The following CA10 variants were observed in gnomAD, a reference collection of about 807,000 sequenced individuals.
The protein encoded by CA10 is carbonic anhydrase-related protein 10.
In CA10, 14 loss-of-function variants were observed where a neutral mutation model predicts 44.2. The ratio of observed to expected loss-of-function variants is 0.32; its 90% confidence interval spans 0.21 to 0.50. The LOEUF is 0.50. CA10 is among the 20% of genes least tolerant of loss of function. The probability of loss-of-function intolerance (pLI) is 0.99; values close to 1 mark genes in which losing one functional copy is unlikely to be tolerated. For synonymous variants in CA10, 159 were observed against 141.6 expected, an observed-to-expected ratio of 1.12 and a Z score of -0.87; for missense variants, 350 against 409.7, an observed-to-expected ratio of 0.85 and a Z score of 1.26.
intron 3 of CA10, among the ~76,000 whole-genome samples, chr17:51,783,291 C>G (rs1358429734): frequency 6.6e-6 from 1 of 152,152 alleles, no homozygotes; most frequent in Admixed American, 6.5e-5. Context: ...TTACTCATTG[C>G]TCTATTCTCA....
At chr17:52,054,909 G>T (rs771783248) in intron 2 of CA10, among the ~76,000 whole-genome samples, 1 of 152,084 alleles carries the variant, frequency 6.6e-6, no homozygotes, top group African/African-American at 2.4e-5. Context: ...ATTTTTCTAG[G>T]AAGTGACTTG....
At chr17:51,880,054 ATCT>A (rs1018523602) in intron 3 of CA10, among the ~76,000 whole-genome samples, 3 of 152,202 alleles carry the variant, frequency 2.0e-5, no homozygotes, top group African/African-American at 7.2e-5. Flanking sequence ...CACCTCAACT[ATCT>A]TCTTTATAGG....
chr17:52,151,190 G>A (rs1989695176), intron 1 of CA10, among the ~76,000 whole-genome samples: 2 of 151,972 alleles, frequency 1.3e-5, no homozygotes, highest in African/African-American at 4.8e-5. Flanking sequence ...ATCTTATTGT[G>A]GTTTACAATC....
intron 4 of CA10, among the ~76,000 whole-genome samples, chr17:51,683,924 C>T (rs1412697563): frequency 6.6e-6 from 1 of 152,156 alleles, no homozygotes; most frequent in Non-Finnish European, 1.5e-5. Context: ...CTTCAGACTC[C>T]TAAGCCTGGT....
At position 51,907,341 on chromosome 17, in the gene CA10, G is replaced by A. The variant is rs4794310; in HGVS notation, c.279+23649C>T. Among the ~76,000 whole-genome samples the A allele has an allele frequency of 7.8e-3, 1,180 of 152,158 alleles. 9 individuals carry two copies. Among genetic ancestry groups the A allele is most frequent in the Middle Eastern group, 0.014 (4 of 294 alleles). ...TGTTGGCCATTTGAGGAAGAGGAAG[G>A]AAGAGGTTGGCTCCTCTTCCTTCAG... On this transcript the variant is annotated intron_variant, in intron 3 of 8. Coordinates refer to ENST00000451037, the MANE Select transcript of CA10 (RefSeq NM_020178.5).
chr17:52,143,209 T>A (rs1283962161), intron 1 of CA10, among the ~76,000 whole-genome samples: 1 of 152,194 alleles, frequency 6.6e-6, no homozygotes, highest in Non-Finnish European at 1.5e-5. Context: ...TCCATCTATG[T>A]ATATAATTAT....
chr17:51,987,092 T>C (rs530789125), intron 2 of CA10, among the ~76,000 whole-genome samples: 58 of 152,092 alleles, frequency 3.8e-4, no homozygotes, highest in Middle Eastern at 6.8e-3. Context: ...ACTGGAGAAA[T>C]GTGGAACCAA....
At chr17:52,110,704 G>T (rs1253872976) in intron 1 of CA10, among the ~76,000 whole-genome samples, 1 of 152,156 alleles carries the variant, frequency 6.6e-6, no homozygotes, top group African/African-American at 2.4e-5. Context: ...CCAAAAGGTT[G>T]GTTCCCTCTT....
At chr17:51,912,604 G>T (rs541591007) in intron 3 of CA10, among the ~76,000 whole-genome samples, 23 of 152,278 alleles carry the variant, frequency 1.5e-4, no homozygotes, top group African/African-American at 5.5e-4. Flanking sequence ...CCTTAAATTT[G>T]CTTTTCAAAT....
At chr17:51,769,564 CA>C (rs1905519802) in intron 3 of CA10, among the ~76,000 whole-genome samples, 1 of 152,114 alleles carries the variant, frequency 6.6e-6, no homozygotes, top group Non-Finnish European at 1.5e-5. Context: ...ATCAGTCTAG[CA>C]GAATTGGTAG....
intron 8 of CA10, 37 bp from the exon 9 acceptor site, chr17:51,631,643 A>G (rs762935392): frequency 6.4e-7 from 1 of 1,559,628 alleles, no homozygotes; most frequent in Admixed American, 1.7e-5. Flanking sequence ...AATCACACAT[A>G]CAACATAAAA....
intron 4 of CA10, among the ~76,000 whole-genome samples, chr17:51,669,263 A>G (rs996975608): frequency 6.6e-6 from 1 of 152,134 alleles, no homozygotes; most frequent in South Asian, 2.1e-4. Flanking sequence ...ATATGTACCA[A>G]TCAGCACTCT....
intron 3 of CA10, among the ~76,000 whole-genome samples, chr17:51,786,474 T>C (rs1178919049): frequency 6.6e-6 from 1 of 152,098 alleles, no homozygotes; most frequent in African/African-American, 2.4e-5. Flanking sequence ...ATCACTTGAG[T>C]CCGGGAGGCA....
chr17:51,720,793 G>A (rs1916326882), intron 4 of CA10, among the ~76,000 whole-genome samples: 1 of 152,116 alleles, frequency 6.6e-6, no homozygotes, highest in Non-Finnish European at 1.5e-5. Flanking sequence ...GAAAATTTCA[G>A]GTAGACTGAA....
At chr17:51,662,087 A>G (rs1039691779) in intron 4 of CA10, among the ~76,000 whole-genome samples, 1 of 152,204 alleles carries the variant, frequency 6.6e-6, no homozygotes, top group Non-Finnish European at 1.5e-5. Flanking sequence ...CCAGTCATAT[A>G]TTTTCCAGTA....
intron 5 of CA10, among the ~76,000 whole-genome samples, chr17:51,652,984 A>G (rs890999556): frequency 3.5e-5 from 5 of 141,660 alleles, no homozygotes; most frequent in Non-Finnish European, 7.7e-5. Context: ...CATCTGCTAA[A>G]ATGTTAAAGG....
chr17:51,801,163 G>A (rs541378235), intron 3 of CA10, among the ~76,000 whole-genome samples: 307 of 152,260 alleles, frequency 2.0e-3, no homozygotes, highest in African/African-American at 7.0e-3. Context: ...GTGCTTTGTC[G>A]TGGCAAGAGA....
chr17:51,736,504 G>A (rs1001167538), intron 4 of CA10, among the ~76,000 whole-genome samples: 6 of 152,166 alleles, frequency 3.9e-5, no homozygotes, highest in African/African-American at 1.4e-4. Flanking sequence ...TGGCCCCTGG[G>A]CCTTCCCCTT....
At chr17:52,072,781 C>T (rs1421900285) in intron 1 of CA10, among the ~76,000 whole-genome samples, 1 of 151,542 alleles carries the variant, frequency 6.6e-6, no homozygotes, top group Non-Finnish European at 1.5e-5. Context: ...CATGTATGTC[C>T]ATGGAACCCT....
Sources: allele counts gnomAD v4.1 joint callset (sites outside exome capture counted in the v4.1 genomes callset), GRCh38; gene constraint gnomAD v4.1.1; transcripts MANE v1.5; gene names NCBI Gene and HGNC (gene_info 2026-07-23, HGNC 2026-07-21).